Variants in AGTPBP1 observed in about 807,000 individuals in gnomAD.
AGTPBP1 encodes cytosolic carboxypeptidase 1.
A neutral mutation model predicts 143.9 loss-of-function variants in AGTPBP1; 70 were observed. That is an observed-to-expected ratio of 0.49 (90% CI 0.40 to 0.59). The LOEUF is 0.59. AGTPBP1 is among the 20% of genes least tolerant of loss of function. The pLI is 0.00. For synonymous variants in AGTPBP1, 463 were observed against 500.2 expected, an observed-to-expected ratio of 0.93 and a Z score of 0.99; for missense variants, 1,229 against 1,464.5, an observed-to-expected ratio of 0.84 and a Z score of 2.62.
At chr9:85,799,251 T>A in the AGTPBP1 span, among the ~76,000 whole-genome samples, 2 of 152,198 alleles carry the variant, frequency 1.3e-5, no homozygotes, top group Non-Finnish European at 2.9e-5. Flanking sequence ...TTCGGTTGGT[T>A]CTAAGTCTTT....
intron 25 of AGTPBP1, among the ~76,000 whole-genome samples, chr9:85,559,642 T>C (rs903299301): frequency 2.5e-5 from 2 of 80,018 alleles, no homozygotes; most frequent in African/African-American, 2.0e-4. Context: ...AAAAACCAGG[T>C]TGACCAACTG....
chr9:85,618,840 T>C (rs1273360465), intron 17 of AGTPBP1, 143 bp downstream of exon 17: 3 of 871,776 alleles, frequency 3.4e-6, no homozygotes, highest in East Asian at 2.7e-5. Flanking sequence ...ATTTCAAATG[T>C]TGCATAATAT....
At chr9:85,617,537 G>A (rs1362450399) in intron 17 of AGTPBP1, among the ~76,000 whole-genome samples, 1 of 152,040 alleles carries the variant, frequency 6.6e-6, no homozygotes, top group African/African-American at 2.4e-5. Context: ...ATAATCCTTA[G>A]TTTTGTATAT....
chr9:85,790,066 A>AT, the AGTPBP1 span, among the ~76,000 whole-genome samples: 1 of 152,226 alleles, frequency 6.6e-6, no homozygotes, highest in East Asian at 1.9e-4. Context: ...AAAAAAATTC[A>AT]TTATGTATAT....
intron 25 of AGTPBP1, chr9:85,554,386 G>C (rs1826206472): frequency 6.6e-6 from 1 of 152,364 alleles, no homozygotes; most frequent in Non-Finnish European, 1.5e-5. Flanking sequence ...AAAGCATAAA[G>C]CAGCAAAACA....
At chr9:85,755,370 G>T in the AGTPBP1 span, among the ~76,000 whole-genome samples, 1 of 151,958 alleles carries the variant, frequency 6.6e-6, no homozygotes, top group African/African-American at 2.4e-5. Flanking sequence ...ATTTGTTTCC[G>T]CATATCCTTA....
the AGTPBP1 span, among the ~76,000 whole-genome samples, chr9:85,804,037 A>G: frequency 1.3e-4 from 20 of 151,806 alleles, no homozygotes; most frequent in Middle Eastern, 3.2e-3. Context: ...CAGACTCATC[A>G]TTACCTTTTA....
At chr9:85,742,155 A>C, upstream of AGTPBP1, 1 of 578,314 alleles carries the variant, frequency 1.7e-6, no homozygotes. Flanking sequence ...GACGGGAGGG[A>C]GCGCGCGCGT....
chr9:85,681,102 T>C (rs1475173816), intron 4 of AGTPBP1, among the ~76,000 whole-genome samples, 166 bp downstream of exon 4: 3 of 151,650 alleles, frequency 2.0e-5, no homozygotes, highest in Non-Finnish European at 2.9e-5. Context: ...TGAATTTCCA[T>C]TTACTGGCTT....
rs190301705 is a variant in AGTPBP1 at position 85,720,121 on chromosome 9, T to C, written c.-33-7555A>G. On this transcript the variant is annotated intron_variant, in intron 1 of 25. Coordinates refer to ENST00000357081, the MANE Select transcript of AGTPBP1 (RefSeq NM_001330701.2). ...CATCAGGGATATTGGTCTAAAATTC[T>C]CTTTTATTGTTGTGTCTCTGCCAGC... 6.2e-3 allele frequency among the ~76,000 whole-genome samples: 951 copies of C among 152,328 alleles called. 7 individuals are homozygous for C. The highest frequency in any genetic ancestry group is 0.031 in the Middle Eastern group (9 of 294).
chr9:85,658,018 G>C (rs1157361346), intron 9 of AGTPBP1, among the ~76,000 whole-genome samples: 1 of 152,048 alleles, frequency 6.6e-6, no homozygotes, highest in African/African-American at 2.4e-5. Context: ...CTACTTGCTA[G>C]TTGTGAATGT....
the AGTPBP1 span, chr9:85,770,610 A>G: frequency 3.4e-6 from 2 of 582,860 alleles, no homozygotes; most frequent in Non-Finnish European, 6.0e-6. Context: ...GTGTAACTAC[A>G]AATTTGAGCA....
At chr9:85,725,041 A>C (rs998044610) in intron 1 of AGTPBP1, among the ~76,000 whole-genome samples, 2 of 152,204 alleles carry the variant, frequency 1.3e-5, no homozygotes, top group African/African-American at 4.8e-5. Flanking sequence ...AAAACCAAAA[A>C]GCATTTCCCA....
At chr9:85,685,190 TA>T (rs1650084708) in intron 3 of AGTPBP1, among the ~76,000 whole-genome samples, 1 of 149,910 alleles carries the variant, frequency 6.7e-6, no homozygotes, top group Non-Finnish European at 1.5e-5. Flanking sequence ...ATAGGGAAAA[TA>T]AGGGAGAAAA....
At chr9:85,657,240 G>A (rs944200874) in intron 10 of AGTPBP1, among the ~76,000 whole-genome samples, 195 bp downstream of exon 10, 1 of 151,046 alleles carries the variant, frequency 6.6e-6, no homozygotes, top group Non-Finnish European at 1.5e-5. Flanking sequence ...TTGCAGAGCT[G>A]TGCACTGACC....
intron 19 of AGTPBP1, among the ~76,000 whole-genome samples, 200 bp downstream of exon 19, chr9:85,592,355 TTCTTA>T (rs1829023719): frequency 6.6e-6 from 1 of 152,074 alleles, no homozygotes; most frequent in African/African-American, 2.4e-5. Context: ...CTAAACCCTT[TTCTTA>T]TGTTATATTT....
chr9:85,755,604 T>C, the AGTPBP1 span, among the ~76,000 whole-genome samples: 3 of 152,138 alleles, frequency 2.0e-5, no homozygotes, highest in African/African-American at 7.2e-5. Flanking sequence ...TAACATTTTA[T>C]TGAATGCCCA....
chr9:85,759,014 G>C, the AGTPBP1 span, among the ~76,000 whole-genome samples: 1 of 152,108 alleles, frequency 6.6e-6, no homozygotes, highest in African/African-American at 2.4e-5. Flanking sequence ...AAGATCAAAA[G>C]AGATAAAGAA....
chr9:85,790,583 TATA>T, the AGTPBP1 span, among the ~76,000 whole-genome samples: 5 of 152,216 alleles, frequency 3.3e-5, no homozygotes, highest in South Asian at 2.1e-4. Flanking sequence ...AAGTTGATGT[TATA>T]ATGATGGCTT....
Sources: allele counts gnomAD v4.1 joint callset (sites outside exome capture counted in the v4.1 genomes callset), GRCh38; gene constraint gnomAD v4.1.1; transcripts MANE v1.5; gene names NCBI Gene and HGNC (gene_info 2026-07-23, HGNC 2026-07-21).